RRAS2: variants seen among roughly 807,000 people sequenced by gnomAD.
The protein encoded by RRAS2 is RAS related 2, also known as ras-related protein R-Ras2.
In RRAS2, 7 loss-of-function variants were observed where a neutral mutation model predicts 27.6. The ratio of observed to expected loss-of-function variants is 0.25; its 90% CI spans 0.14 to 0.48. The LOEUF (loss-of-function observed/expected upper bound fraction) is 0.48. Ranked by LOEUF, RRAS2 falls within the 20% of genes least tolerant of loss-of-function variation. The pLI, the probability that RRAS2 is intolerant of heterozygous loss-of-function variation, is 0.99. For synonymous variants in RRAS2, 86 were observed against 90.9 expected (o/e 0.95, Z 0.31); for missense variants, 178 against 256.2 (o/e 0.69, Z 2.08).
At chr11:14,303,153 T>C (rs1847754712) in intron 1 of RRAS2, among the ~76,000 whole-genome samples, 1 of 152,172 alleles carries the variant, frequency 6.6e-6, no homozygotes, top group Non-Finnish European at 1.5e-5. Flanking sequence ...GTGACAACAG[T>C]TTGGATTTTT....
At chr11:14,333,495 T>A (rs1484137045) in intron 1 of RRAS2, among the ~76,000 whole-genome samples, 3 of 151,092 alleles carry the variant, frequency 2.0e-5, no homozygotes, top group Non-Finnish European at 4.4e-5. Context: ...AAAACAAAAA[T>A]AATTAAAATC....
intron 1 of RRAS2, among the ~76,000 whole-genome samples, chr11:14,297,639 G>A (rs1356752843): frequency 6.6e-6 from 1 of 152,078 alleles, no homozygotes; most frequent in African/African-American, 2.4e-5. Context: ...GTGTACACCT[G>A]TAGTCCTAGT....
chr11:14,302,067 CACACAT>C (rs1215692890), intron 1 of RRAS2, among the ~76,000 whole-genome samples: 2 of 102,460 alleles, frequency 2.0e-5, no homozygotes, highest in African/African-American at 3.6e-5. Context: ...AAATGTACCA[CACACAT>C]ACACACACAC....
chr11:14,301,352 G>C (rs538903881), intron 1 of RRAS2, among the ~76,000 whole-genome samples: 2 of 152,166 alleles, frequency 1.3e-5, no homozygotes, highest in East Asian at 3.9e-4. Flanking sequence ...TTCTACTCAA[G>C]ACTACACATC....
In RRAS2 at chr11:14,284,334, G is replaced by A. The variant is rs1197166625; in HGVS notation, c.409-2614C>T. Among the ~76,000 whole-genome samples, 3 of 152,182 alleles carry A rather than the reference G, an allele frequency of 2.0e-5. No individual in the cohort carries two copies. In the East Asian group the frequency reaches 5.8e-4, roughly 29 times the overall value. ...TTTCCCAATATTTGAAGATATCCTA[G>A]ATACCTCTCTGTTATTAATTTCCAA... is the stretch of plus-strand genomic sequence containing the variant. On this transcript the variant is annotated intron_variant, in intron 4 of 5. Coordinates refer to ENST00000256196, the MANE Select transcript of RRAS2 (RefSeq NM_012250.6).
At chr11:14,345,411 T>A (rs573962796) in intron 1 of RRAS2, among the ~76,000 whole-genome samples, 14 of 152,292 alleles carry the variant, frequency 9.2e-5, no homozygotes, top group Middle Eastern at 3.4e-3. Context: ...CAAATATAAC[T>A]AAGAGACATA....
chr11:14,327,784 T>G (rs1225461953), intron 1 of RRAS2, among the ~76,000 whole-genome samples: 1 of 151,278 alleles, frequency 6.6e-6, no homozygotes, highest in African/African-American at 2.4e-5. Context: ...CAGATTCATA[T>G]ATACTTCTCA....
At chr11:14,349,885 T>A (rs917060707) in intron 1 of RRAS2, among the ~76,000 whole-genome samples, 1 of 152,180 alleles carries the variant, frequency 6.6e-6, no homozygotes, top group Admixed American at 6.5e-5. Flanking sequence ...GTTAAGGTGT[T>A]TTTATTTGTC....
chr11:14,338,159 G>T (rs2134018808), intron 1 of RRAS2, among the ~76,000 whole-genome samples: 1 of 152,210 alleles, frequency 6.6e-6, no homozygotes, highest in South Asian at 2.1e-4. Context: ...GTATCAGTAG[G>T]TTGCAATAAA....
chr11:14,300,438 G>T (rs754107755), intron 1 of RRAS2, among the ~76,000 whole-genome samples: 6 of 152,044 alleles, frequency 3.9e-5, no homozygotes, highest in Non-Finnish European at 7.4e-5. Flanking sequence ...ATGGTGGCAC[G>T]CGCCTATAGT....
chr11:14,324,760 C>A (rs1429217707), intron 1 of RRAS2, among the ~76,000 whole-genome samples: 3 of 152,078 alleles, frequency 2.0e-5, no homozygotes, highest in African/African-American at 7.2e-5. Context: ...CTTATCCTAC[C>A]CTCTACGAAA....
intron 1 of RRAS2, among the ~76,000 whole-genome samples, chr11:14,355,314 C>T (rs1344941719): frequency 6.6e-6 from 1 of 152,154 alleles, no homozygotes; most frequent in Non-Finnish European, 1.5e-5. Context: ...ACCCCACACA[C>T]CCAGCAGTCT....
intron 1 of RRAS2, among the ~76,000 whole-genome samples, chr11:14,306,889 G>GAA (rs1847843098): frequency 1.7e-5 from 1 of 57,188 alleles, no homozygotes. Flanking sequence ...TATGTGCCAA[G>GAA]ATAAAAAAAA....
chr11:14,330,427 C>A (rs1231622438), intron 1 of RRAS2, among the ~76,000 whole-genome samples: 1 of 152,028 alleles, frequency 6.6e-6, no homozygotes, highest in Non-Finnish European at 1.5e-5. Flanking sequence ...TAGGAAGATC[C>A]CTTCAACCTG....
At chr11:14,302,837 A>T (rs1384590831) in intron 1 of RRAS2, among the ~76,000 whole-genome samples, 1 of 152,174 alleles carries the variant, frequency 6.6e-6, no homozygotes, top group African/African-American at 2.4e-5. Flanking sequence ...GGAGTCTGAG[A>T]TGTAAGTCAA....
chr11:14,328,774 C>A (rs990340023), intron 1 of RRAS2, among the ~76,000 whole-genome samples: 1 of 151,930 alleles, frequency 6.6e-6, no homozygotes, highest in Non-Finnish European at 1.5e-5. Flanking sequence ...AAGCAATCCT[C>A]CTGGCTCAGC....
intron 1 of RRAS2, among the ~76,000 whole-genome samples, chr11:14,308,032 G>C (rs1419866685): frequency 6.6e-6 from 1 of 152,048 alleles, no homozygotes; most frequent in Non-Finnish European, 1.5e-5. Flanking sequence ...CAAATGCCTG[G>C]TTAAATTACG....
chr11:14,311,649 G>A (rs1222642558), intron 1 of RRAS2, among the ~76,000 whole-genome samples: 6 of 152,020 alleles, frequency 3.9e-5, no homozygotes, highest in African/African-American at 7.2e-5. Flanking sequence ...TTACAGGCAC[G>A]AGCCACTGCG....
intron 2 of RRAS2, 46 bp downstream of exon 2, chr11:14,295,722 T>C: frequency 1.4e-6 from 2 of 1,473,178 alleles, no homozygotes; most frequent in Non-Finnish European, 1.9e-6. Flanking sequence ...CTTACTTTTT[T>C]AAAAAATATG....
Sources: gnomAD v4.1 joint callset for allele counts (sites outside exome capture counted in the v4.1 genomes callset) on GRCh38, gnomAD v4.1.1 for gene constraint, MANE v1.5 for transcripts, NCBI Gene and HGNC (gene_info 2026-07-23, HGNC 2026-07-21) for gene names.